The following PCDH15 variants were observed in gnomAD, a reference collection of about 807,000 sequenced individuals.
The protein encoded by PCDH15 is protocadherin-15.
A neutral mutation model predicts 178.5 loss-of-function variants in PCDH15; 129 were observed. That is an observed-to-expected ratio of 0.72 (90% confidence interval 0.63 to 0.84). The LOEUF is 0.84. PCDH15 is among the 40% of genes least tolerant of loss of function. PCDH15 has a pLI of 0.00. For synonymous variants in PCDH15, 800 were observed against 732.0 expected (o/e 1.09, Z -1.50); for missense variants, 2,230 against 2,099.9 (o/e 1.06, Z -1.21).
At chr10:55,201,505 C>T (rs192903626) in intron 1 of PCDH15, among the ~76,000 whole-genome samples, 11 of 152,272 alleles carry the variant, frequency 7.2e-5, no homozygotes, top group Admixed American at 6.5e-4. Context: ...ACTTCTTCCC[C>T]TAATGACTTG....
intron 2 of PCDH15, among the ~76,000 whole-genome samples, chr10:54,997,544 A>C (rs1026241019): frequency 6.6e-6 from 1 of 152,214 alleles, no homozygotes; most frequent in African/African-American, 2.4e-5. Flanking sequence ...AGTTCGGCAC[A>C]GAAGGCTATA....
intron 14 of PCDH15, among the ~76,000 whole-genome samples, chr10:54,144,264 G>A (rs1286146557): frequency 6.6e-6 from 1 of 152,078 alleles, no homozygotes; most frequent in East Asian, 1.9e-4. Context: ...TTGATAAATA[G>A]AAAGGGGGGA....
chr10:55,286,636 C>A (rs1313457302), intron 1 of PCDH15, among the ~76,000 whole-genome samples: 1 of 151,848 alleles, frequency 6.6e-6, no homozygotes, highest in Non-Finnish European at 1.5e-5. Context: ...GCAATTTACA[C>A]AGATGTATTT....
intron 2 of PCDH15, among the ~76,000 whole-genome samples, chr10:55,036,396 T>C (rs1840734747): frequency 6.6e-6 from 1 of 152,168 alleles, no homozygotes; most frequent in Non-Finnish European, 1.5e-5. Flanking sequence ...TATTTTAGAA[T>C]GTACAATTTC....
intron 3 of PCDH15, among the ~76,000 whole-genome samples, chr10:54,479,755 C>G (rs1452604992): frequency 6.6e-6 from 1 of 151,742 alleles, no homozygotes; most frequent in African/African-American, 2.4e-5. Flanking sequence ...TCACTTCTCA[C>G]AGAAAAAAAT....
intron 9 of PCDH15, among the ~76,000 whole-genome samples, chr10:54,214,327 A>G (rs1320764313): frequency 6.6e-6 from 1 of 152,148 alleles, no homozygotes; most frequent in African/African-American, 2.4e-5. Flanking sequence ...ATGAAAATAG[A>G]CATTAAGTGG....
rs117764529 is a variant in PCDH15, at chr10:54,308,337, A to C, written c.876+8934T>G. 6.6e-3 allele frequency among the ~76,000 whole-genome samples: 1,006 copies of C among 152,260 alleles called. 7 individuals carry two copies. Among genetic ancestry groups the C allele is most frequent in the Non-Finnish European group, 0.011 (767 of 68,010 alleles). On this transcript the variant is annotated intron_variant, in intron 8 of 37. Transcript: ENST00000644397. ...AAGTAATACTTTGAACAAACTCCTTAACAAGAAGAGTTAGACTTCATACTT... is the reference window on the plus strand; with the variant it reads ...AAGTAATACTTTGAACAAACTCCTTCACAAGAAGAGTTAGACTTCATACTT...
intron 2 of PCDH15, among the ~76,000 whole-genome samples, chr10:55,598,149 C>T (rs185874580): frequency 4.3e-4 from 65 of 152,088 alleles, no homozygotes; most frequent in African/African-American, 1.6e-3. Flanking sequence ...CGCGGCCATA[C>T]GATTAACCCA....
chr10:55,062,406 T>C (rs1841455695), intron 2 of PCDH15, among the ~76,000 whole-genome samples: 1 of 152,200 alleles, frequency 6.6e-6, no homozygotes, highest in South Asian at 2.1e-4. Flanking sequence ...GTCTATTGTA[T>C]TTTGTTATAG....
intron 13 of PCDH15, among the ~76,000 whole-genome samples, chr10:54,176,311 A>G (rs942638259): frequency 2.6e-5 from 4 of 152,180 alleles, no homozygotes; most frequent in African/African-American, 4.8e-5. Flanking sequence ...GCAAGCCACA[A>G]TAAAACATGT....
chr10:54,308,381 G>C (rs2060682577), intron 8 of PCDH15, among the ~76,000 whole-genome samples: 1 of 152,012 alleles, frequency 6.6e-6, no homozygotes, highest in Non-Finnish European at 1.5e-5. Context: ...GCAGAATAGT[G>C]ACTTTGTTCA....
chr10:54,246,510 C>A (rs1006503278), intron 8 of PCDH15, among the ~76,000 whole-genome samples: 1 of 151,718 alleles, frequency 6.6e-6, no homozygotes, highest in Admixed American at 6.6e-5. Context: ...AAGTGCAGTA[C>A]TAGTATACTC....
intron 1 of PCDH15, among the ~76,000 whole-genome samples, chr10:55,214,029 T>C (rs1427377238): frequency 6.6e-6 from 1 of 151,982 alleles, no homozygotes; most frequent in Non-Finnish European, 1.5e-5. Context: ...CTCAAAATTA[T>C]TTAGAAGTTT....
intron 2 of PCDH15, among the ~76,000 whole-genome samples, chr10:55,023,095 C>T (rs2131956984): frequency 6.6e-6 from 1 of 152,226 alleles, no homozygotes; most frequent in African/African-American, 2.4e-5. Context: ...GCGCCCGCCA[C>T]CACGCCCGGT....
At chr10:54,928,131 G>C (rs2131850173) in intron 2 of PCDH15, among the ~76,000 whole-genome samples, 1 of 152,214 alleles carries the variant, frequency 6.6e-6, no homozygotes, top group Admixed American at 6.5e-5. Context: ...GGCAGGTCTG[G>C]TGGTAACAAA....
chr10:54,569,390 A>C (rs562756932), intron 2 of PCDH15, among the ~76,000 whole-genome samples: 24 of 152,288 alleles, frequency 1.6e-4, no homozygotes, highest in African/African-American at 5.5e-4. Flanking sequence ...TTTTCATGGG[A>C]AAGTTTTGCA....
At chr10:54,600,838 C>G (rs1668797357) in intron 2 of PCDH15, among the ~76,000 whole-genome samples, 2 of 151,888 alleles carry the variant, frequency 1.3e-5, no homozygotes, top group Non-Finnish European at 2.9e-5. Flanking sequence ...TCAGTGTGCT[C>G]CCCCCTCAGT....
intron 2 of PCDH15, among the ~76,000 whole-genome samples, chr10:55,402,127 G>GA (rs1838085567): frequency 6.9e-6 from 1 of 144,050 alleles, no homozygotes; most frequent in African/African-American, 2.4e-5. Flanking sequence ...TGTTTCTTAG[G>GA]AAAAGATTCT....
chr10:54,962,014 T>G (rs1328601652), intron 2 of PCDH15, among the ~76,000 whole-genome samples: 4 of 152,242 alleles, frequency 2.6e-5, no homozygotes, highest in Non-Finnish European at 5.9e-5. Flanking sequence ...TGAGAGCTGT[T>G]CTGTCACTCA....
Sources: gnomAD v4.1 joint callset for allele counts (sites outside exome capture counted in the v4.1 genomes callset) on GRCh38, gnomAD v4.1.1 for gene constraint, MANE v1.5 for transcripts, NCBI Gene and HGNC (gene_info 2026-07-23, HGNC 2026-07-21) for gene names.